EMC3: variants seen among roughly 807,000 people sequenced by gnomAD.
EMC3 encodes the protein ER membrane protein complex subunit 3.
Under a neutral mutation model 36.6 loss-of-function variants are expected in EMC3, and 13 were observed. The observed-to-expected ratio is 0.35, with a 90% CI of 0.23 to 0.56. The LOEUF (loss-of-function observed/expected upper bound fraction) is 0.56. EMC3 is among the 20% of genes least tolerant of loss of function. The pLI, the probability that EMC3 is intolerant of heterozygous loss-of-function variation, is 0.84. For missense variants in EMC3, 220 were observed against 324.5 expected, an observed-to-expected ratio of 0.68 and a Z score of 2.47; for synonymous variants, 120 against 111.9, an observed-to-expected ratio of 1.07 and a Z score of -0.46.
chr3:9,970,471 A>G, intron 6 of EMC3, 111 bp downstream of exon 6: 1 of 1,234,034 alleles, frequency 8.1e-7, no homozygotes, highest in African/African-American at 1.5e-5. Flanking sequence ...GGAAGGAAAC[A>G]TTTTATTTGA....
chr3:9,982,876 A>G (rs2085926537), intron 1 of EMC3, among the ~76,000 whole-genome samples: 1 of 151,546 alleles, frequency 6.6e-6, no homozygotes, highest in Non-Finnish European at 1.5e-5. Flanking sequence ...ACACAGCAAG[A>G]CTTGTCACTT....
chr3:10,009,188 C>G (rs2086297942), intron 1 of EMC3: 1 of 152,298 alleles, frequency 6.6e-6, no homozygotes, highest in Non-Finnish European at 1.5e-5. Context: ...CCACGCCCCC[C>G]GCTGCGTCAC....
intron 1 of EMC3, among the ~76,000 whole-genome samples, chr3:9,978,009 G>C (rs982379381): frequency 1.3e-5 from 2 of 151,692 alleles, no homozygotes; most frequent in Non-Finnish European, 2.9e-5. Flanking sequence ...AGCCATAGTT[G>C]ATCAATAAAT....
chr3:9,975,061 A>G (rs948565220), intron 3 of EMC3, among the ~76,000 whole-genome samples: 1 of 150,208 alleles, frequency 6.7e-6, no homozygotes, highest in African/African-American at 2.5e-5. Context: ...GGGTTTCACC[A>G]TGTCGGCCAG....
chr3:9,990,823 T>C (rs1559356000), upstream of EMC3, among the ~76,000 whole-genome samples: 3 of 95,428 alleles, frequency 3.1e-5, no homozygotes. Flanking sequence ...AATTCTTTTA[T>C]TTATTTATTT....
chr3:9,994,844 T>TTA (rs1192071145), intron 1 of EMC3, among the ~76,000 whole-genome samples: 1 of 152,176 alleles, frequency 6.6e-6, no homozygotes, highest in Non-Finnish European at 1.5e-5. Flanking sequence ...AGTGCTGCAA[T>TTA]TACAGGCATG....
chr3:9,994,821 C>T (rs2086103560), intron 1 of EMC3, among the ~76,000 whole-genome samples: 1 of 152,112 alleles, frequency 6.6e-6, no homozygotes, highest in Non-Finnish European at 1.5e-5. Context: ...ATTCACCTGC[C>T]TCGCCCTCCC....
At chr3:9,995,342 A>G (rs1285589437) in intron 1 of EMC3, among the ~76,000 whole-genome samples, 1 of 152,108 alleles carries the variant, frequency 6.6e-6, no homozygotes, top group Non-Finnish European at 1.5e-5. Context: ...AATTTAACCC[A>G]TATGGGAAAA....
At chr3:9,967,647 TGTA>T (rs1428110451) in intron 7 of EMC3, among the ~76,000 whole-genome samples, 5 of 152,226 alleles carry the variant, frequency 3.3e-5, no homozygotes, top group African/African-American at 9.6e-5. Context: ...AACCACGGCG[TGTA>T]AGTTATTCAA....
Position 9,963,808 on chromosome 3 carries a change from TC to T in EMC3, c.*260del. 1 of 371,426 alleles carries T rather than the reference TC, an allele frequency of 2.7e-6. No homozygotes were observed. The highest frequency in any genetic ancestry group is 4.8e-6 in the Non-Finnish European group (1 of 209,976). 23.0% of individuals were successfully genotyped at this position (371,426 alleles called of 1,614,324 possible). On this transcript the variant is annotated 3_prime_UTR_variant, in exon 8 of 8. Coordinates refer to ENST00000245046, the MANE Select transcript of EMC3 (RefSeq NM_001394674.1). ...TATATATTATCAGTAGCCTGAGGTT[TC>T]CCCCTTTCTCTGACTTTCATTACTA... is the stretch of plus-strand genomic sequence containing the variant.
At chr3:9,985,086 G>A (rs748135536) in intron 1 of EMC3, among the ~76,000 whole-genome samples, 2 of 152,172 alleles carry the variant, frequency 1.3e-5, no homozygotes, top group Non-Finnish European at 2.9e-5. Context: ...CTAAACTTCA[G>A]TCACTCTCAT....
chr3:9,984,634 G>A (rs1337109752), intron 1 of EMC3, among the ~76,000 whole-genome samples: 19 of 151,996 alleles, frequency 1.3e-4, no homozygotes, highest in Admixed American at 2.0e-4. Context: ...CTCGTGATCC[G>A]TCCGCCTCGG....
At chr3:9,978,955 T>G (rs2085880734) in intron 1 of EMC3, among the ~76,000 whole-genome samples, 1 of 152,208 alleles carries the variant, frequency 6.6e-6, no homozygotes, top group Admixed American at 6.6e-5. Flanking sequence ...ACTACACATA[T>G]TCTAGTTTCT....
intron 5 of EMC3, among the ~76,000 whole-genome samples, chr3:9,971,579 G>A (rs1450913628): frequency 6.6e-6 from 1 of 152,226 alleles, no homozygotes; most frequent in South Asian, 2.1e-4. Flanking sequence ...TTCCAGTCTC[G>A]CGTCTGTCCA....
rs768250047 is a variant in EMC3 at position 10,007,430 on chromosome 3, C to G, written c.-242+3593G>C. ...GTGGCGGGGTGTGGTCCCCAAAGTG[C>G]CTTAGGGGGCCACTTGTTCTGCTGG... On this transcript the variant is annotated intron_variant, in intron 1 of 8. Transcript: ENST00000470827. The G allele has an allele frequency of 3.8e-5, 52 of 1,367,216 alleles. 1 individual carries two copies. The highest frequency in any genetic ancestry group is 4.2e-4 in the Middle Eastern group (2 of 4,778). The allele number at this position is 1,367,216 out of a possible 1,614,324, so 84.7% of individuals were successfully genotyped here.
upstream of EMC3, among the ~76,000 whole-genome samples, chr3:9,991,070 T>C (rs552594064): frequency 4.6e-5 from 7 of 151,460 alleles, no homozygotes; most frequent in Non-Finnish European, 7.4e-5. Flanking sequence ...CCTCGTGATC[T>C]GCCCGCCTTG....
intron 1 of EMC3, among the ~76,000 whole-genome samples, chr3:9,997,398 T>C (rs2086139819): frequency 6.6e-6 from 1 of 152,186 alleles, no homozygotes; most frequent in African/African-American, 2.4e-5. Flanking sequence ...ATGTATGTTG[T>C]AGCATGCATC....
At chr3:9,970,773 A>AT in intron 5 of EMC3, 112 bp from the exon 6 acceptor site, 1 of 940,810 alleles carries the variant, frequency 1.1e-6, no homozygotes, top group Non-Finnish European at 1.7e-6. Context: ...GTCACCTTGG[A>AT]TGGGCTATAT....
At chr3:9,964,496 C>T (rs138651788) in intron 7 of EMC3, among the ~76,000 whole-genome samples, 1 of 152,330 alleles carries the variant, frequency 6.6e-6, no homozygotes, top group African/African-American at 2.4e-5. Flanking sequence ...TGCAAAGTCC[C>T]CAGCGCTTAA....
Sources: allele counts gnomAD v4.1 joint callset (sites outside exome capture counted in the v4.1 genomes callset), GRCh38; gene constraint gnomAD v4.1.1; transcripts MANE v1.5; gene names NCBI Gene and HGNC (gene_info 2026-07-23, HGNC 2026-07-21).